Variants in LDLRAD4 observed in about 807,000 individuals in gnomAD.
The protein encoded by LDLRAD4 is low-density lipoprotein receptor class A domain-containing protein 4.
In LDLRAD4, 5 loss-of-function variants were observed where a neutral mutation model predicts 17.0. The ratio of observed to expected loss-of-function variants is 0.29; its 90% CI spans 0.15 to 0.62. LDLRAD4 has a LOEUF of 0.62. Among genes scored for constraint, LDLRAD4 ranks in the 20% least tolerant of loss-of-function variants. The pLI is 0.84. For missense variants in LDLRAD4, 340 were observed against 424.7 expected, an observed-to-expected ratio of 0.80 and a Z score of 1.75; for synonymous variants, 168 against 171.8, an observed-to-expected ratio of 0.98 and a Z score of 0.17.
At chr18:13,388,344 A>G (rs2085986656) in intron 2 of LDLRAD4, among the ~76,000 whole-genome samples, 1 of 152,106 alleles carries the variant, frequency 6.6e-6, no homozygotes, top group African/African-American at 2.4e-5. Flanking sequence ...GACACAGGAG[A>G]TTTTGAATTT....
chr18:13,609,518 C>CGTGTGTGT lies in LDLRAD4; in HGVS notation c.182-11595_182-11588dup, dbSNP rs755496113. The stretch of plus-strand genomic sequence containing the variant: ...GACACCCACAGGAGCGCTCATTATG[C>CGTGTGTGT]GTGTGTGTGTGCGTGTGTGTGTGTG... On this transcript the variant is annotated intron_variant, in intron 3 of 5. Transcript: ENST00000359446. Among the ~76,000 whole-genome samples, 129 of 117,512 alleles carry CGTGTGTGT rather than the reference C, an allele frequency of 1.1e-3. 1 individual carries two copies. The highest frequency in any genetic ancestry group is 3.4e-3 in the Admixed American group (39 of 11,568). The allele number at this position is 117,512 out of a possible 152,430, so 77.1% of individuals were successfully genotyped here.
chr18:13,233,063 G>T (rs769729426), intron 1 of LDLRAD4, among the ~76,000 whole-genome samples: 4 of 152,220 alleles, frequency 2.6e-5, no homozygotes, highest in Non-Finnish European at 5.9e-5. Context: ...GACTCTAGAC[G>T]ATGGCAGAGG....
chr18:13,493,851 G>C, intron 3 of LDLRAD4, among the ~76,000 whole-genome samples: 1 of 152,216 alleles, frequency 6.6e-6, no homozygotes, highest in South Asian at 2.1e-4. Context: ...CGTGGTCCTT[G>C]TCCAGGACCT....
chr18:13,491,922 GA>G (rs1213430107), intron 3 of LDLRAD4, among the ~76,000 whole-genome samples: 24 of 152,290 alleles, frequency 1.6e-4, no homozygotes, highest in East Asian at 1.4e-3. Flanking sequence ...TTGGTGCGAG[GA>G]AAAGTAGAGG....
At chr18:13,430,893 A>G (rs2090292643) in intron 2 of LDLRAD4, among the ~76,000 whole-genome samples, 1 of 152,074 alleles carries the variant, frequency 6.6e-6, no homozygotes, top group African/African-American at 2.4e-5. Flanking sequence ...CTGCCACTCC[A>G]TGCTGATGGA....
intron 3 of LDLRAD4, chr18:13,611,353 G>A (rs868497478): frequency 4.4e-5 from 19 of 432,442 alleles, no homozygotes; most frequent in Middle Eastern, 7.5e-4. Context: ...CAGTGCTTGT[G>A]GTGGGGGTTA....
intron 1 of LDLRAD4, among the ~76,000 whole-genome samples, chr18:13,295,690 C>T (rs1159262751): frequency 6.6e-6 from 1 of 152,210 alleles, no homozygotes; most frequent in African/African-American, 2.4e-5. Flanking sequence ...TGTGGTTTTT[C>T]AGGGAATACA....
chr18:13,431,471 C>T (rs1459448204), intron 2 of LDLRAD4, among the ~76,000 whole-genome samples: 1 of 152,104 alleles, frequency 6.6e-6, no homozygotes, highest in Admixed American at 6.5e-5. Context: ...TTTAAAATGC[C>T]AGGTGGTGTT....
In LDLRAD4 at chr18:13,411,348, G is replaced by A. The variant is rs538972868; in HGVS notation, c.40+23586G>A. Among the ~76,000 whole-genome samples the A allele has an allele frequency of 5.9e-5, 9 of 151,494 alleles. No homozygotes were observed. The East Asian group carries it at 1.6e-3, about 26-fold the overall frequency. On this transcript the variant is annotated intron_variant, in intron 2 of 5. Transcript: ENST00000359446. ...TGCTTATCTCATAGTTTTGCCGTAA[G>A]TGCTTAACAAATGCTTGAACAAAGC... is the stretch of plus-strand genomic sequence containing the variant.
At chr18:13,546,835 G>A (rs115767887) in intron 3 of LDLRAD4, among the ~76,000 whole-genome samples, 376 of 152,266 alleles carry the variant, frequency 2.5e-3, no homozygotes, top group Middle Eastern at 0.014. Flanking sequence ...ATGATGAAGC[G>A]GCACAGAAAG....
chr18:13,633,126 C>T (rs1418819906), intron 4 of LDLRAD4, among the ~76,000 whole-genome samples: 3 of 152,196 alleles, frequency 2.0e-5, no homozygotes, highest in East Asian at 1.9e-4. Context: ...AGTGTCTAGC[C>T]GTCAGTGGAG....
intron 2 of LDLRAD4, among the ~76,000 whole-genome samples, chr18:13,425,471 G>A (rs1421265429): frequency 6.6e-6 from 1 of 152,212 alleles, no homozygotes; most frequent in Non-Finnish European, 1.5e-5. Flanking sequence ...TGGATTGGCT[G>A]TGGAGCAGAA....
At chr18:13,551,705 T>C (rs907585255) in intron 3 of LDLRAD4, among the ~76,000 whole-genome samples, 1 of 152,118 alleles carries the variant, frequency 6.6e-6, no homozygotes, top group East Asian at 1.9e-4. Flanking sequence ...GGGAAACCAG[T>C]TGCAGACATG....
At chr18:13,385,913 G>A (rs763011163) in intron 1 of LDLRAD4, among the ~76,000 whole-genome samples, 18 of 152,062 alleles carry the variant, frequency 1.2e-4, no homozygotes, top group Non-Finnish European at 2.4e-4. Flanking sequence ...CTCCTACTGG[G>A]CCATACCTTA....
chr18:13,453,014 G>T (rs1169461194), intron 3 of LDLRAD4, among the ~76,000 whole-genome samples: 1 of 152,206 alleles, frequency 6.6e-6, no homozygotes, highest in Non-Finnish European at 1.5e-5. Context: ...ACAGAGATGG[G>T]CTTGTGCTCT....
intron 4 of LDLRAD4, among the ~76,000 whole-genome samples, chr18:13,634,303 G>A (rs1282687783): frequency 6.6e-6 from 1 of 152,202 alleles, no homozygotes; most frequent in Non-Finnish European, 1.5e-5. Flanking sequence ...GACCTTATGT[G>A]TAAAAACTCT....
chr18:13,459,226 T>C (rs1275909371), intron 3 of LDLRAD4, among the ~76,000 whole-genome samples: 1 of 138,160 alleles, frequency 7.2e-6, no homozygotes, highest in Non-Finnish European at 1.5e-5. Flanking sequence ...TGGTGCCAGC[T>C]ACTCCGGAGG....
Position 13,643,312 on chromosome 18 carries a change from CCT to C in LDLRAD4, c.337-44_337-43del, listed in dbSNP as rs141372588. The C allele has an allele frequency of 8.6e-4, 1,086 of 1,259,066 alleles. 9 individuals are homozygous for C. In the African/African-American group the frequency reaches 0.014, roughly 16 times the overall value. 78.0% of individuals were successfully genotyped at this position (1,259,066 alleles called of 1,614,324 possible). ...TAGGTGCGGCGGGGCTAATGATTTT[CCT>C]CTGTTTCTTGTTCCCCCCACTCTCC... On this transcript the variant is annotated intron_variant, in intron 4 of 5. Coordinates refer to ENST00000359446, the Ensembl canonical transcript of LDLRAD4.
At chr18:13,652,021 G>C (rs1479948423) in exon 6 of LDLRAD4, 1 of 152,154 alleles carries the variant, frequency 6.6e-6, no homozygotes, top group Non-Finnish European at 1.5e-5. Context: ...TGGATCCTGC[G>C]TGTCTAGACC....
Sources: gnomAD v4.1 joint callset for allele counts (sites outside exome capture counted in the v4.1 genomes callset) on GRCh38, gnomAD v4.1.1 for gene constraint, MANE v1.5 for transcripts, NCBI Gene and HGNC (gene_info 2026-07-23, HGNC 2026-07-21) for gene names.